Variants in CPSF2 observed in about 807,000 individuals in gnomAD.
CPSF2 encodes the protein cleavage and polyadenylation specific factor 2.
In CPSF2, 51 loss-of-function variants were observed where a neutral mutation model predicts 84.2. The observed-to-expected ratio is 0.61, with a 90% confidence interval of 0.48 to 0.77. The LOEUF is 0.77. Among genes scored for constraint, CPSF2 ranks in the 30% least tolerant of loss-of-function variants. The probability of loss-of-function intolerance (pLI) is 0.00; values close to 1 mark genes in which losing one functional copy is unlikely to be tolerated. For synonymous variants in CPSF2, 286 were observed against 311.9 expected (o/e 0.92, Z 0.87); for missense variants, 641 against 929.4 (o/e 0.69, Z 4.03).
chr14:92,131,302 G>A (rs778665411), intron 3 of CPSF2, among the ~76,000 whole-genome samples, 169 bp downstream of exon 3: 3 of 152,116 alleles, frequency 2.0e-5, no homozygotes, highest in Non-Finnish European at 4.4e-5. Context: ...GTAAAGTTTT[G>A]ATTGACTTAT....
rs1433561914 is a variant in CPSF2, at chr14:92,167,916, A to C, written c.*6172A>C. The stretch of plus-strand genomic sequence containing the variant: ...GGTTTTTTTTTTTTTTTTTTCTGGT[A>C]ACCATAGAATGAATGTAGAATGAAT... On this transcript the variant is annotated 3_prime_UTR_variant, in exon 16 of 16. Transcript: ENST00000298875. 1 of 138,854 alleles carries C rather than the reference A, an allele frequency of 7.2e-6. No homozygotes were observed. The highest frequency in any genetic ancestry group is 7.2e-5 in the Admixed American group (1 of 13,812). 8.6% of individuals were successfully genotyped at this position (138,854 alleles called of 1,614,324 possible). A position where few individuals can be genotyped will look rare whatever the true frequency, so the allele number is the denominator to read the frequency against.
At position 92,157,041 on chromosome 14, in the gene CPSF2, T is replaced by C. The variant is rs1398542999; in HGVS notation, c.1595+410T>C. On this transcript the variant is annotated intron_variant, in intron 12 of 15. Coordinates refer to ENST00000298875, the MANE Select transcript of CPSF2 (RefSeq NM_017437.3). This position sits in a 1 kb window ranked among gnomAD's most constrained non-coding sequence, Gnocchi z 4.0. ...CTCTAAGACCCTAATGTCTGGAAAA[T>C]ACTGTTGTGATCTGAAGTAGTTAGA... Among the ~76,000 whole-genome samples, 2 of 152,188 alleles carry C rather than the reference T, an allele frequency of 1.3e-5. No homozygotes were observed. The highest frequency in any genetic ancestry group is 2.9e-5 in the Non-Finnish European group (2 of 68,026).
chr14:92,154,502 G>A, intron 10 of CPSF2, 44 bp downstream of exon 10: 1 of 1,313,746 alleles, frequency 7.6e-7, no homozygotes, highest in Non-Finnish European at 1.1e-6. Context: ...GATGCAATTT[G>A]AGAAGAATGT....
Position 92,159,847 on chromosome 14 carries a change from A to AT in CPSF2, c.2121+577dup, listed in dbSNP as rs879469922. 1.5e-3 allele frequency among the ~76,000 whole-genome samples: 212 copies of AT among 143,930 alleles called. 2 individuals are homozygous for AT. Among genetic ancestry groups the AT allele is most frequent in the African/African-American group, 4.7e-3 (185 of 39,206 alleles). 94.4% of individuals were successfully genotyped at this position (143,930 alleles called of 152,430 possible). A position where few individuals can be genotyped will look rare whatever the true frequency, so the allele number is the denominator to read the frequency against. ...TTTTAAGGTACATAATTGTTTCATGATTTTTTTTTTTTGGTCTGGATTTTT... is the reference window on the plus strand; with the variant it reads ...TTTTAAGGTACATAATTGTTTCATGATTTTTTTTTTTTTGGTCTGGATTTTT... On this transcript the variant is annotated intron_variant, in intron 14 of 15. Coordinates refer to ENST00000298875, the MANE Select transcript of CPSF2 (RefSeq NM_017437.3).
intron 11 of CPSF2, among the ~76,000 whole-genome samples, chr14:92,155,792 G>A (rs2069281731): frequency 6.6e-6 from 1 of 151,426 alleles, no homozygotes. Context: ...AAGAACTTTG[G>A]ATGGCTGGTG....
chr14:92,136,653 A>G (rs1023938488), intron 6 of CPSF2, among the ~76,000 whole-genome samples: 1 of 152,226 alleles, frequency 6.6e-6, no homozygotes, highest in Non-Finnish European at 1.5e-5. Context: ...CACTAGAAGC[A>G]GGGAGCTCTC....
Position 92,168,881 on chromosome 14 carries a change from A to G in CPSF2, c.*7137A>G, listed in dbSNP as rs528929070. 1 of 152,268 alleles carries G rather than the reference A, an allele frequency of 6.6e-6. No homozygotes were observed. Among genetic ancestry groups the G allele is most frequent in the Admixed American group, 6.5e-5 (1 of 15,288 alleles). The allele number at this position is 152,268 out of a possible 1,614,324, so 9.4% of individuals were successfully genotyped here. The stretch of plus-strand genomic sequence containing the variant: ...AATCCATCTCTCTTTCTCTCTCCAT[A>G]TAGTCAAAGAGAACCAAAAATGTAT... On this transcript the variant is annotated 3_prime_UTR_variant, in exon 16 of 16. Transcript: ENST00000298875.
At position 92,155,335 on chromosome 14, in the gene CPSF2, A is replaced by C; in HGVS notation, c.1442+12A>C. The C allele has an allele frequency of 1.2e-6, 2 of 1,600,616 alleles. No homozygotes were observed. Among genetic ancestry groups the C allele is most frequent in the Non-Finnish European group, 8.6e-7 (1 of 1,167,906 alleles). On this transcript the variant is annotated intron_variant, in intron 11 of 15. Coordinates refer to ENST00000298875, the MANE Select transcript of CPSF2 (RefSeq NM_017437.3). ...GGAGAGATTATCAAGTATGTGAGCA[A>C]AACAAACTTTTCTCTCTTACAAATT...
intron 14 of CPSF2, among the ~76,000 whole-genome samples, chr14:92,160,536 C>T (rs1184315814): frequency 6.6e-6 from 1 of 152,168 alleles, no homozygotes; most frequent in African/African-American, 2.4e-5. Flanking sequence ...GTACAACCCT[C>T]AAAATTGGGA....
rs2069438387 is a variant in CPSF2, at chr14:92,165,854, C to CTTTTTTTTTATTTTTTTTTTTTTTT, written c.*4119_*4120insATTTTTTTTTTTTTTTTTTTTTTTT. 1 of 50,622 alleles carries CTTTTTTTTTATTTTTTTTTTTTTTT rather than the reference C, an allele frequency of 2.0e-5. No homozygotes were observed. The highest frequency in any genetic ancestry group is 9.3e-5 in the African/African-American group (1 of 10,756). 3.1% of individuals were successfully genotyped at this position (50,622 alleles called of 1,614,324 possible). On this transcript the variant is annotated 3_prime_UTR_variant, in exon 16 of 16. Transcript: ENST00000298875. Reference sequence around the variant, plus strand: ...CAGTTCTTTGTGCTTGGTTTTATATCTTTTTTTTTTTTTTTTTTTTTTTTT... The same window carrying CTTTTTTTTTATTTTTTTTTTTTTTT: ...CAGTTCTTTGTGCTTGGTTTTATATCTTTTTTTTTATTTTTTTTTTTTTTTTTTTTTTTTTTTTTTTTTTTTTTTT...
chr14:92,139,499 TTAATA>T (rs1342618730), intron 7 of CPSF2, among the ~76,000 whole-genome samples: 6 of 151,936 alleles, frequency 3.9e-5, no homozygotes, highest in Admixed American at 3.3e-4. Context: ...GTTTTACACT[TTAATA>T]TAGTAGGCCA....
chr14:92,154,187 T>C, intron 9 of CPSF2, 171 bp from the exon 10 acceptor site: 1 of 491,146 alleles, frequency 2.0e-6, no homozygotes. Context: ...TTAATACTAA[T>C]CTAAATAGGA....
chr14:92,143,417 T>C (rs565463469), intron 9 of CPSF2, 123 bp downstream of exon 9: 9 of 749,240 alleles, frequency 1.2e-5, no homozygotes, highest in African/African-American at 3.5e-5. Flanking sequence ...AGAATTACTC[T>C]TGAGAGCCAG....
At chr14:92,161,630 A>G in intron 15 of CPSF2, 22 bp from the exon 16 acceptor site, 2 of 1,534,422 alleles carry the variant, frequency 1.3e-6, no homozygotes, top group Non-Finnish European at 1.8e-6. Context: ...GTACTAAAGA[A>G]TTTTTTTTAT....
intron 7 of CPSF2, 52 bp downstream of exon 7, chr14:92,138,399 A>T: frequency 1.0e-6 from 1 of 961,000 alleles, no homozygotes; most frequent in Middle Eastern, 2.3e-4. Context: ...AACTTTTTGT[A>T]TATTTAGGGA....
intron 12 of CPSF2, among the ~76,000 whole-genome samples, chr14:92,156,881 T>C (rs1392824380): frequency 6.6e-6 from 1 of 152,222 alleles, no homozygotes; most frequent in Non-Finnish European, 1.5e-5. Context: ...TAACATTAAA[T>C]TGTACATTTA....
rs2069507522 is a variant in CPSF2, at chr14:92,170,763, CAG to C, written c.*9024_*9025del. ...GGTTGTGAATTTTTGGCAGGAATAC[CAG>C]AGAGGTGATGCTGTCTTCTTCTCTG... On this transcript the variant is annotated 3_prime_UTR_variant, in exon 16 of 16. Transcript: ENST00000298875. The C allele has an allele frequency of 6.6e-6, 1 of 152,118 alleles. No individual in the cohort carries two copies. The highest frequency in any genetic ancestry group is 2.4e-5 in the African/African-American group (1 of 41,414). The allele number at this position is 152,118 out of a possible 1,614,324, so 9.4% of individuals were successfully genotyped here.
At chr14:92,133,894 G>C (rs528858779) in intron 3 of CPSF2, 117 bp from the exon 4 acceptor site, 4 of 964,166 alleles carry the variant, frequency 4.1e-6, no homozygotes, top group Non-Finnish European at 6.3e-6. Context: ...TTAGCTCTTA[G>C]TTTTGCTCTT....
chr14:92,166,283 T>C lies in CPSF2; in HGVS notation c.*4539T>C, dbSNP rs77787667. 2.6e-5 allele frequency: 4 copies of C among 152,220 alleles called. No homozygotes were observed. The highest frequency in any genetic ancestry group is 4.4e-5 in the Non-Finnish European group (3 of 68,042). The allele number at this position is 152,220 out of a possible 1,614,324, so 9.4% of individuals were successfully genotyped here. A position where few individuals can be genotyped will look rare whatever the true frequency, so the allele number is the denominator to read the frequency against. Reference sequence around the variant, plus strand: ...CATGAAGATTTACACTCTTTTTTTTTCTAACAGTTTTACAGTTTAGGCTCT... The same window carrying C: ...CATGAAGATTTACACTCTTTTTTTTCCTAACAGTTTTACAGTTTAGGCTCT... On this transcript the variant is annotated 3_prime_UTR_variant, in exon 16 of 16. Transcript: ENST00000298875.
Sources: gnomAD v4.1 joint callset for allele counts (sites outside exome capture counted in the v4.1 genomes callset) on GRCh38, gnomAD v4.1.1 for gene constraint, Gnocchi (gnomAD v3.1) non-coding constraint, MANE v1.5 for transcripts, NCBI Gene and HGNC (gene_info 2026-07-23, HGNC 2026-07-21) for gene names.